The following STRIP1 variants were observed in gnomAD, a reference collection of about 807,000 sequenced individuals.
STRIP1 encodes striatin-interacting protein 1.
Under a neutral mutation model 106.2 loss-of-function variants are expected in STRIP1, and 63 were observed. The ratio of observed to expected loss-of-function variants is 0.59; its 90% CI spans 0.48 to 0.73. The LOEUF (loss-of-function observed/expected upper bound fraction) is 0.73, where lower values mean the gene tolerates loss of function less well. Among genes scored for constraint, STRIP1 ranks in the 30% least tolerant of loss-of-function variants. The probability of loss-of-function intolerance (pLI) is 0.00; values close to 1 mark genes in which losing one functional copy is unlikely to be tolerated. For missense variants in STRIP1, 857 were observed against 1,074.8 expected, an observed-to-expected ratio of 0.80 and a Z score of 2.83; for synonymous variants, 390 against 413.0, an observed-to-expected ratio of 0.94 and a Z score of 0.67.
At chr1:110,046,888 A>G (rs1426660979) in intron 13 of STRIP1, 137 bp downstream of exon 13, 1 of 190,526 alleles carries the variant, frequency 5.2e-6, no homozygotes, top group Non-Finnish European at 1.0e-5. Flanking sequence ...CGTCTCTACT[A>G]AAAAAAAAAA....
intron 8 of STRIP1, 107 bp from the exon 9 acceptor site, chr1:110,042,981 A>G: frequency 1.7e-6 from 2 of 1,147,990 alleles, no homozygotes; most frequent in Non-Finnish European, 2.4e-6. Flanking sequence ...GGGTCTCTAT[A>G]AAGACATGGG....
Position 110,041,523 on chromosome 1 carries a change from C to T in STRIP1, c.651-13C>T, listed in dbSNP as rs750998204. ...CCCATCCCACTCCATTGTGAGCTGG[C>T]TCTTGTCCTCAGGGTCCTGCTCAAC... On this transcript the variant is annotated splice_polypyrimidine_tract_variant and intron_variant, in intron 6 of 20. Coordinates refer to ENST00000369795, the MANE Select transcript of STRIP1 (RefSeq NM_033088.4). The T allele has an allele frequency of 6.2e-7, 1 of 1,607,220 alleles. No homozygotes were observed. The highest frequency in any genetic ancestry group is 8.5e-7 in the Non-Finnish European group (1 of 1,173,828).
At chr1:110,035,962 G>T (rs1415015848) in intron 1 of STRIP1, among the ~76,000 whole-genome samples, 1 of 152,184 alleles carries the variant, frequency 6.6e-6, no homozygotes, top group Non-Finnish European at 1.5e-5. Context: ...AGGAGCCCTG[G>T]CATGGTGGGA....
At position 110,045,349 on chromosome 1, in the gene STRIP1, C is replaced by T. The variant is rs150411644; in HGVS notation, c.1416+271C>T. The T allele has an allele frequency of 8.6e-4, 360 of 420,564 alleles. 2 individuals carry two copies. Among genetic ancestry groups the T allele is most frequent in the Middle Eastern group, 7.0e-3 (10 of 1,430 alleles). 26.1% of individuals were successfully genotyped at this position (420,564 alleles called of 1,614,324 possible). A position where few individuals can be genotyped will look rare whatever the true frequency, so the allele number is the denominator to read the frequency against. On this transcript the variant is annotated intron_variant, in intron 12 of 20. Coordinates refer to ENST00000369795, the MANE Select transcript of STRIP1 (RefSeq NM_033088.4). The stretch of plus-strand genomic sequence containing the variant: ...CCTGACCACCGGGCACCAAGGCATG[C>T]ACCTGTAGTCCCAGCTACTCAAGAG...
intron 13 of STRIP1, 57 bp downstream of exon 13, chr1:110,046,808 T>G: frequency 2.2e-6 from 3 of 1,360,920 alleles, no homozygotes; most frequent in Non-Finnish European, 2.1e-6. Flanking sequence ...TCCCAGCACT[T>G]TGGGAGGCCG....
rs1653452017 is a variant in STRIP1 at position 110,054,570 on chromosome 1, T to C, written c.*658T>C. The stretch of plus-strand genomic sequence containing the variant: ...GTAAATATCTATATATAATTCTGTG[T>C]GTATTCTGTGTCATGTTGGGGTTTT... On this transcript the variant is annotated 3_prime_UTR_variant, in exon 21 of 21. Coordinates refer to ENST00000369795, the MANE Select transcript of STRIP1 (RefSeq NM_033088.4). 2 of 152,726 alleles carry C rather than the reference T, an allele frequency of 1.3e-5. No individual in the cohort carries two copies. The highest frequency in any genetic ancestry group is 4.1e-4 in the South Asian group (2 of 4,830). 9.5% of individuals were successfully genotyped at this position (152,726 alleles called of 1,614,324 possible). A position where few individuals can be genotyped will look rare whatever the true frequency, so the allele number is the denominator to read the frequency against.
At chr1:110,049,602 A>G (rs1454266176) in intron 17 of STRIP1, 42 bp downstream of exon 17, 1 of 1,397,648 alleles carries the variant, frequency 7.2e-7, no homozygotes, top group South Asian at 1.2e-5. Context: ...ATATGGTCAG[A>G]CGGCAGAGTT....
chr1:110,039,727 G>T, intron 5 of STRIP1: 1 of 1,051,264 alleles, frequency 9.5e-7, no homozygotes, highest in Non-Finnish European at 1.4e-6. Flanking sequence ...GCTCCCTGAT[G>T]CCAGAGTTTT....
chr1:110,034,899 G>A (rs1236235246), intron 1 of STRIP1, 82 bp downstream of exon 1: 5 of 1,323,950 alleles, frequency 3.8e-6, no homozygotes, highest in Non-Finnish European at 4.9e-6. Context: ...TAGGGGCCAG[G>A]TTGGGCTTCC....
intron 19 of STRIP1, 152 bp downstream of exon 19, chr1:110,051,212 C>T (rs1332268890): frequency 8.0e-6 from 5 of 624,786 alleles, no homozygotes; most frequent in African/African-American, 1.8e-5. Flanking sequence ...TTCCCAGTTC[C>T]TTGATGAATT....
intron 18 of STRIP1, 119 bp downstream of exon 18, chr1:110,050,528 T>A: frequency 1.0e-6 from 1 of 960,604 alleles, no homozygotes; most frequent in South Asian, 1.5e-5. Context: ...CACTGTGGAG[T>A]GCCCGGCTTT....
intron 12 of STRIP1, chr1:110,045,635 C>T (rs1239047955): frequency 3.3e-5 from 5 of 153,496 alleles, no homozygotes; most frequent in Admixed American, 1.3e-4. Context: ...CTTTATAGCT[C>T]ATAGAGCCAT....
chr1:110,036,167 T>A (rs1652442987), intron 1 of STRIP1, among the ~76,000 whole-genome samples: 1 of 152,330 alleles, frequency 6.6e-6, no homozygotes, highest in South Asian at 2.1e-4. Flanking sequence ...AATTTCCACA[T>A]AGAGGCCGGG....
chr1:110,046,594 CAA>C, intron 12 of STRIP1, 84 bp from the exon 13 acceptor site: 1 of 1,207,214 alleles, frequency 8.3e-7, no homozygotes, highest in African/African-American at 1.5e-5. Flanking sequence ...TGTTTGAAGA[CAA>C]ATGTGTGGGG....
Position 110,047,821 on chromosome 1 carries a change from A to G in STRIP1, c.1613A>G (p.Lys538Arg), listed in dbSNP as rs1452532391. 27 of 1,569,300 alleles carry G rather than the reference A, an allele frequency of 1.7e-5. No homozygotes were observed. The highest frequency in any genetic ancestry group is 2.0e-5 in the Non-Finnish European group (23 of 1,155,860). ...GCTGCAGCACCCACCTCAAAAGCCA[A>G]AACAGACTCAATCAACATCCTAGCG... ...LLAAAPTSKA[K>R]TDSINILADV... The change falls in exon 15 of 21, where the codon AAA becomes AGA. Residue 538 changes from lysine to arginine, a missense_variant. This residue lies in a region of STRIP1 where 750 missense variants were observed against 989.8 expected (regional missense o/e 0.76). Coordinates refer to ENST00000369795, the MANE Select transcript of STRIP1 (RefSeq NM_033088.4).
At chr1:110,040,038 G>A (rs1312035300) in intron 5 of STRIP1, 3 of 560,384 alleles carry the variant, frequency 5.4e-6, no homozygotes, top group Non-Finnish European at 9.2e-6. Context: ...AATATTACAT[G>A]TGCTAATTCA....
At chr1:110,049,787 A>C (rs897009759) in intron 17 of STRIP1, 2 of 476,134 alleles carry the variant, frequency 4.2e-6, no homozygotes, top group African/African-American at 4.1e-5. Flanking sequence ...CCTGGGCAGG[A>C]GGGTTTTCAT....
intron 12 of STRIP1, among the ~76,000 whole-genome samples, chr1:110,046,047 G>A (rs950674524): frequency 6.6e-6 from 1 of 152,166 alleles, no homozygotes; most frequent in African/African-American, 2.4e-5. Context: ...GTACTAAGTG[G>A]TCTCTCTGCA....
Position 110,044,886 on chromosome 1 carries a change from A to T in STRIP1, c.1333A>T (p.Ile445Leu), listed in dbSNP as rs569587037. Residue 445 changes from isoleucine to leucine, a missense_variant, in exon 11 of 21, where the codon ATA becomes TTA. Transcript: ENST00000369795. The part of the protein sequence containing the change: ...MFLESSRSKF[I>L]GYTLGSDTNT... ...CCTTGAGTCCAGCCGCAGCAAATTT[A>T]TAGGTTACACTCTAGGCAGGTGAGT... 6.2e-7 allele frequency: 1 copy of T among 1,614,080 alleles called. No individual in the cohort carries two copies. The highest frequency in any genetic ancestry group is 8.5e-7 in the Non-Finnish European group (1 of 1,180,044).
Sources: gnomAD v4.1 joint callset for allele counts (sites outside exome capture counted in the v4.1 genomes callset) on GRCh38, gnomAD v4.1.1 for gene constraint, gnomAD v4.1.1 regional missense constraint, MANE v1.5 for transcripts, NCBI Gene and HGNC (gene_info 2026-07-23, HGNC 2026-07-21) for gene names.